The following C13orf42 variants were observed in gnomAD, a reference collection of about 807,000 sequenced individuals.
The protein encoded by C13orf42 is chromosome 13 open reading frame 42.
intron 1 of C13orf42, among the ~76,000 whole-genome samples, chr13:51,129,973 G>C (rs547608594): frequency 1.3e-5 from 2 of 152,298 alleles, no homozygotes; most frequent in African/African-American, 4.8e-5. Context: ...GGCAGCCCGG[G>C]TTCAGGGTTC....
intron 1 of C13orf42, among the ~76,000 whole-genome samples, chr13:51,145,073 C>A (rs1953724711): frequency 6.6e-6 from 1 of 152,160 alleles, no homozygotes; most frequent in South Asian, 2.1e-4. Flanking sequence ...TTATTTTCTA[C>A]AGTTTGGACC....
At chr13:51,152,635 T>C (rs1276836684) in intron 1 of C13orf42, among the ~76,000 whole-genome samples, 1 of 152,184 alleles carries the variant, frequency 6.6e-6, no homozygotes, top group African/African-American at 2.4e-5. Context: ...AAAACACAAC[T>C]TCAGCTCTAG....
At chr13:51,111,352 C>G, upstream of C13orf42, 1 of 397,110 alleles carries the variant, frequency 2.5e-6, no homozygotes, top group Non-Finnish European at 4.4e-6. Flanking sequence ...CCAGGGAGCA[C>G]CGGCTTGATC....
chr13:51,104,624 T>C (rs151220515), intron 1 of C13orf42, among the ~76,000 whole-genome samples: 40 of 152,360 alleles, frequency 2.6e-4, no homozygotes, highest in Admixed American at 2.2e-3. Context: ...ACATTTATTG[T>C]ACCACACTAA....
intron 2 of C13orf42, 128 bp downstream of exon 2, chr13:51,087,800 A>C (rs941418300): frequency 2.5e-6 from 1 of 395,850 alleles, no homozygotes; most frequent in Middle Eastern, 6.3e-4. Flanking sequence ...GTTTCCCTTT[A>C]ATCAGGGAGG....
At chr13:51,108,013 G>A (rs559308902) in intron 1 of C13orf42, among the ~76,000 whole-genome samples, 27 of 152,302 alleles carry the variant, frequency 1.8e-4, no homozygotes, top group African/African-American at 5.8e-4. Flanking sequence ...GAAGCTGTCC[G>A]CAGGGCCATG....
intron 1 of C13orf42, among the ~76,000 whole-genome samples, chr13:51,168,770 G>T (rs2138055179): frequency 6.6e-6 from 1 of 152,302 alleles, no homozygotes; most frequent in Admixed American, 6.5e-5. Context: ...GGAGGTGATT[G>T]GATCATGGGG....
chr13:51,105,357 C>T (rs551615859), intron 1 of C13orf42, among the ~76,000 whole-genome samples: 2 of 152,220 alleles, frequency 1.3e-5, no homozygotes, highest in Non-Finnish European at 2.9e-5. Context: ...ACTTTGTCTT[C>T]TTCACCAGCA....
At chr13:51,152,829 C>G (rs1953790032) in intron 1 of C13orf42, among the ~76,000 whole-genome samples, 1 of 152,198 alleles carries the variant, frequency 6.6e-6, no homozygotes, top group Non-Finnish European at 1.5e-5. Flanking sequence ...CCCTTTAAGG[C>G]TCACTGGCTT....
chr13:51,154,339 G>T (rs1030354819), intron 1 of C13orf42, among the ~76,000 whole-genome samples: 29 of 152,170 alleles, frequency 1.9e-4, no homozygotes, highest in Admixed American at 6.6e-4. Context: ...ATTCTGTTGG[G>T]TATGTTTGGA....
At chr13:51,136,966 G>T (rs1365618825) in intron 1 of C13orf42, among the ~76,000 whole-genome samples, 5 of 152,190 alleles carry the variant, frequency 3.3e-5, no homozygotes, top group African/African-American at 9.7e-5. Flanking sequence ...GCTTCTTGGG[G>T]ACAAGGTGAC....
chr13:51,165,552 A>G (rs1953896897), intron 1 of C13orf42, among the ~76,000 whole-genome samples: 1 of 89,818 alleles, frequency 1.1e-5, no homozygotes, highest in Admixed American at 1.4e-4. Context: ...AACAAGAGGA[A>G]GCAACCAAGG....
intron 1 of C13orf42, among the ~76,000 whole-genome samples, chr13:51,091,892 C>T (rs73483797): frequency 0.017 from 2,609 of 152,150 alleles, 81 homozygotes; most frequent in African/African-American, 0.06. Flanking sequence ...CATTGAGGGA[C>T]GAGAACAAAA....
chr13:51,100,983 T>C (rs1953284472), intron 1 of C13orf42, among the ~76,000 whole-genome samples: 2 of 152,286 alleles, frequency 1.3e-5, no homozygotes, highest in South Asian at 4.1e-4. Context: ...TAACATTAAC[T>C]GAGAAAAGAA....
intron 1 of C13orf42, among the ~76,000 whole-genome samples, chr13:51,161,136 T>G (rs1953861310): frequency 7.2e-6 from 1 of 138,938 alleles, no homozygotes; most frequent in South Asian, 2.8e-4. Context: ...AAAAGTAGTT[T>G]TTCTCATCAA....
At chr13:51,103,103 T>A (rs1325225969) in intron 1 of C13orf42, among the ~76,000 whole-genome samples, 1 of 152,150 alleles carries the variant, frequency 6.6e-6, no homozygotes, top group African/African-American at 2.4e-5. Flanking sequence ...ATGTGAACCA[T>A]CTGGACTGTG....
intron 2 of C13orf42, 26 bp from the exon 3 acceptor site, chr13:51,085,585 G>C (rs966398662): frequency 1.5e-5 from 6 of 398,670 alleles, no homozygotes; most frequent in Admixed American, 8.8e-5. Flanking sequence ...ATGTGACCCA[G>C]GAAGGAAGGG....
intron 1 of C13orf42, among the ~76,000 whole-genome samples, chr13:51,156,644 C>T (rs1953826010): frequency 6.6e-6 from 1 of 152,202 alleles, no homozygotes; most frequent in African/African-American, 2.4e-5. Context: ...ACAAAAGACA[C>T]CTACCATATA....
At position 51,110,827 on chromosome 13, in the gene C13orf42, G is replaced by A. The variant is rs1322767983; in HGVS notation, c.383C>T (p.Thr128Ile). The change falls in exon 1 of 4, where the codon ACT becomes ATT. Residue 128 changes from threonine (T) to isoleucine (I), a missense_variant. Physicochemically the swap from Thr to Ile is moderately conservative, Grantham distance 89. Transcript: ENST00000563710. Reference protein sequence around the residue: ...SSKSSKGGKKTPVRSTPKEIK... With the variant: ...SSKSSKGGKKIPVRSTPKEIK... The stretch of plus-strand genomic sequence containing the variant: ...TTCTTTGGGAGTAGACCGGACAGGA[G>A]TCTTTTTCCCTCCCTTGGAGGATTT... 2.5e-6 allele frequency: 1 copy of A among 398,582 alleles called. No homozygotes were observed. Among genetic ancestry groups the A allele is most frequent in the Non-Finnish European group, 4.4e-6 (1 of 226,108 alleles). The allele number at this position is 398,582 out of a possible 1,614,324, so 24.7% of individuals were successfully genotyped here. A position where few individuals can be genotyped will look rare whatever the true frequency, so the allele number is the denominator to read the frequency against.
Sources: gnomAD v4.1 joint callset for allele counts (sites outside exome capture counted in the v4.1 genomes callset) on GRCh38, gnomAD v4.1.1 for gene constraint, MANE v1.5 for transcripts, NCBI Gene and HGNC (gene_info 2026-07-23, HGNC 2026-07-21) for gene names.